The following MNAT1 variants were observed in gnomAD, a reference collection of about 807,000 sequenced individuals.
MNAT1 encodes MNAT1 component of CDK activating kinase, also known as CDK-activating kinase assembly factor MAT1.
In MNAT1, 43 loss-of-function variants were observed where a neutral mutation model predicts 42.0. That is an observed-to-expected ratio of 1.02 (90% CI 0.80 to 1.32). MNAT1 has a LOEUF of 1.32. Among genes scored for constraint, MNAT1 ranks in the 40% most tolerant of loss-of-function variants. MNAT1 has a pLI of 0.00. For missense variants in MNAT1, 306 were observed against 350.4 expected, an observed-to-expected ratio of 0.87 and a Z score of 1.01; for synonymous variants, 118 against 120.0, an observed-to-expected ratio of 0.98 and a Z score of 0.11.
chr14:60,944,895 A>G (rs890814833), intron 7 of MNAT1, among the ~76,000 whole-genome samples: 8 of 152,222 alleles, frequency 5.3e-5, no homozygotes, highest in Admixed American at 1.3e-4. Context: ...AAGAGTTTTC[A>G]TGCAAACATA....
intron 7 of MNAT1, among the ~76,000 whole-genome samples, chr14:60,905,005 C>G (rs4151331): frequency 0.19 from 3,015 of 15,580 alleles, 54 homozygotes; most frequent in Middle Eastern, 0.32. Context: ...GACGGAGTCT[C>G]GCTCTGTTGC....
At chr14:60,945,989 C>T (rs983629619) in intron 7 of MNAT1, among the ~76,000 whole-genome samples, 17 of 152,218 alleles carry the variant, frequency 1.1e-4, no homozygotes, top group Admixed American at 8.5e-4. Context: ...CTCGTCCATA[C>T]TTGTACACAT....
chr14:60,836,945 G>T (rs2033407876), intron 6 of MNAT1, among the ~76,000 whole-genome samples: 1 of 152,196 alleles, frequency 6.6e-6, no homozygotes, highest in Admixed American at 6.5e-5. Flanking sequence ...GCCAAGAGAG[G>T]AGGAATCTAG....
intron 7 of MNAT1, among the ~76,000 whole-genome samples, chr14:60,939,271 T>C (rs2036081817): frequency 1.3e-5 from 2 of 152,230 alleles, no homozygotes; most frequent in African/African-American, 4.8e-5. Context: ...TGCCTTCTGC[T>C]AGCTTTGAAT....
At chr14:60,923,493 A>G (rs2035704144) in intron 7 of MNAT1, among the ~76,000 whole-genome samples, 2 of 152,292 alleles carry the variant, frequency 1.3e-5, no homozygotes, top group South Asian at 2.1e-4. Context: ...TACATTTTAT[A>G]CTTTACATTA....
intron 7 of MNAT1, among the ~76,000 whole-genome samples, chr14:60,937,727 C>T (rs1309200639): frequency 1.3e-5 from 2 of 151,888 alleles, no homozygotes; most frequent in Non-Finnish European, 2.9e-5. Context: ...TTTTTTGGTT[C>T]CATATGAACT....
chr14:60,857,610 A>G (rs1423127108), intron 6 of MNAT1, among the ~76,000 whole-genome samples: 1 of 152,198 alleles, frequency 6.6e-6, no homozygotes, highest in Non-Finnish European at 1.5e-5. Context: ...GTTCTGCGGT[A>G]CATTTGTACA....
chr14:60,777,446 A>C (rs1458761956), intron 1 of MNAT1, among the ~76,000 whole-genome samples: 1 of 151,176 alleles, frequency 6.6e-6, no homozygotes, highest in South Asian at 2.1e-4. Context: ...TCCCCCCCCA[A>C]AATTTTTGTT....
chr14:60,921,205 T>C (rs765275903), intron 7 of MNAT1, among the ~76,000 whole-genome samples: 8 of 152,216 alleles, frequency 5.3e-5, no homozygotes, highest in Non-Finnish European at 8.8e-5. Context: ...ATTATGATAA[T>C]TTAAATTTGA....
intron 7 of MNAT1, among the ~76,000 whole-genome samples, chr14:60,929,141 C>T (rs1470261183): frequency 5.3e-5 from 4 of 75,890 alleles, no homozygotes; most frequent in Non-Finnish European, 1.0e-4. Flanking sequence ...AGTGAGACTC[C>T]ATCTCCCAAA....
rs139817297 is a variant in MNAT1 at position 60,910,999 on chromosome 14, T to A, written c.809+31164T>A. Among the ~76,000 whole-genome samples, 604 of 152,306 alleles carry A rather than the reference T, an allele frequency of 4.0e-3. 3 individuals carry two copies. Among genetic ancestry groups the A allele is most frequent in the African/African-American group, 0.01 (425 of 41,568 alleles). ...AACTCTTAATTATTGTCTCTATTTC[T>A]GAGCCTGTTATTGGTCTATTCAGAG... On this transcript the variant is annotated intron_variant, in intron 7 of 7. Coordinates refer to ENST00000261245, the MANE Select transcript of MNAT1 (RefSeq NM_002431.4).
At position 60,969,847 on chromosome 14, in the gene MNAT1, T is replaced by G. The variant is rs748974246; in HGVS notation, c.*1498T>G. The G allele has an allele frequency of 2.6e-5, 4 of 152,194 alleles. No homozygotes were observed. The highest frequency in any genetic ancestry group is 5.9e-5 in the Non-Finnish European group (4 of 68,006). The allele number at this position is 152,194 out of a possible 1,614,324, so 9.4% of individuals were successfully genotyped here. ...TTTTATAAATGTATTTTAAAAAGAA[T>G]GAACTAATTAATAAAACATATCAAA... On this transcript the variant is annotated 3_prime_UTR_variant, in exon 8 of 8. Transcript: ENST00000261245.
intron 4 of MNAT1, 73 bp from the exon 5 acceptor site, chr14:60,811,914 G>A (rs976089870): frequency 8.7e-7 from 1 of 1,143,496 alleles, no homozygotes; most frequent in Non-Finnish European, 1.2e-6. Context: ...AATAAAGAAA[G>A]TATTAGAGTG....
chr14:60,831,350 C>G (rs1311905462), intron 6 of MNAT1, among the ~76,000 whole-genome samples: 1 of 152,118 alleles, frequency 6.6e-6, no homozygotes, highest in African/African-American at 2.4e-5. Context: ...CCAGCAGGCC[C>G]TGGTGTGTGA....
intron 7 of MNAT1, among the ~76,000 whole-genome samples, chr14:60,932,900 A>G (rs538180277): frequency 6.6e-6 from 1 of 152,190 alleles, no homozygotes; most frequent in South Asian, 2.1e-4. Context: ...TAAAAACAAA[A>G]CTTTGAAGAT....
chr14:60,964,057 A>C (rs2036641697), intron 7 of MNAT1, among the ~76,000 whole-genome samples: 1 of 152,200 alleles, frequency 6.6e-6, no homozygotes, highest in Admixed American at 6.5e-5. Flanking sequence ...TTTTAAAGGA[A>C]GGGAAATAGG....
intron 7 of MNAT1, among the ~76,000 whole-genome samples, chr14:60,898,003 A>G (rs4151317): frequency 0.94 from 143,272 of 152,094 alleles, 67,785 homozygotes; most frequent in Non-Finnish European, 0.99. Flanking sequence ...TCTGTGTCTG[A>G]TTTATTTTAC....
chr14:60,949,342 T>C (rs1246018925), intron 7 of MNAT1, among the ~76,000 whole-genome samples: 2 of 152,188 alleles, frequency 1.3e-5, no homozygotes, highest in Admixed American at 6.5e-5. Context: ...CTCTCAAAAG[T>C]AGAATTCAAG....
chr14:60,951,208 T>C (rs2036375238), intron 7 of MNAT1, among the ~76,000 whole-genome samples: 1 of 151,786 alleles, frequency 6.6e-6, no homozygotes, highest in African/African-American at 2.4e-5. Context: ...ACTTAATATC[T>C]TTCCTCCTTC....
Sources: allele counts gnomAD v4.1 joint callset (sites outside exome capture counted in the v4.1 genomes callset), GRCh38; gene constraint gnomAD v4.1.1; transcripts MANE v1.5; gene names NCBI Gene and HGNC (gene_info 2026-07-23, HGNC 2026-07-21).